NRXN3: variants seen among roughly 807,000 people sequenced by gnomAD.
NRXN3 encodes the protein neurexin 3.
Under a neutral mutation model 137.6 loss-of-function variants are expected in NRXN3, and 32 were observed. That is an observed-to-expected ratio of 0.23 (90% CI 0.18 to 0.31). The LOEUF (loss-of-function observed/expected upper bound fraction) is 0.31, where lower values mean the gene tolerates loss of function less well. NRXN3 is among the 10% of genes least tolerant of loss of function. The probability of loss-of-function intolerance (pLI) is 1.00; values close to 1 mark genes in which losing one functional copy is unlikely to be tolerated. For missense variants in NRXN3, 1,574 were observed against 2,062.5 expected (o/e 0.76, Z 4.59); for synonymous variants, 798 against 784.5 (o/e 1.02, Z -0.29).
intron 10 of NRXN3, among the ~76,000 whole-genome samples, chr14:78,872,290 T>C (rs2099103409): frequency 6.8e-6 from 1 of 147,966 alleles, no homozygotes; most frequent in Non-Finnish European, 1.5e-5. Context: ...TAAATATATA[T>C]ACATATTTTA....
At chr14:78,988,257 T>TC (rs2099511214) in intron 15 of NRXN3, 116 bp downstream of exon 15, 3 of 1,304,138 alleles carry the variant, frequency 2.3e-6, no homozygotes, top group Non-Finnish European at 3.3e-6. Flanking sequence ...AGTAATTCTC[T>TC]CCTCCAGAAA....
intron 3 of NRXN3, among the ~76,000 whole-genome samples, chr14:78,295,388 AC>A (rs1325744486): frequency 6.6e-6 from 1 of 152,196 alleles, no homozygotes; most frequent in Non-Finnish European, 1.5e-5. Flanking sequence ...GAGTGGCAAT[AC>A]TGCAACTACA....
chr14:78,725,589 G>A (rs1161921952), intron 8 of NRXN3, among the ~76,000 whole-genome samples: 2 of 152,212 alleles, frequency 1.3e-5, no homozygotes, highest in East Asian at 1.9e-4. Flanking sequence ...AATCCACAAA[G>A]TCAAGGCTAT....
intron 1 of NRXN3, among the ~76,000 whole-genome samples, chr14:78,224,580 C>T (rs2064262467): frequency 1.3e-5 from 2 of 152,104 alleles, no homozygotes; most frequent in Non-Finnish European, 2.9e-5. Context: ...CCAGTTTCAT[C>T]CATGTCCCTT....
At position 79,460,303 on chromosome 14, in the gene NRXN3, A is replaced by G. The variant is rs140061203; in HGVS notation, c.3263-6918A>G. Among the ~76,000 whole-genome samples the G allele has an allele frequency of 6.4e-3, 978 of 152,300 alleles. 8 individuals are homozygous for G. Among genetic ancestry groups the G allele is most frequent in the African/African-American group, 0.022 (904 of 41,568 alleles). Reference sequence around the variant, plus strand: ...AGTTCCAGCCAAGCATATTTGTAAGAACAGGGTTTGAACATAACCTATTAT... The same window carrying G: ...AGTTCCAGCCAAGCATATTTGTAAGGACAGGGTTTGAACATAACCTATTAT... On this transcript the variant is annotated intron_variant, in intron 15 of 20. Transcript: ENST00000335750.
chr14:79,225,447 G>A (rs1448234587), intron 15 of NRXN3, among the ~76,000 whole-genome samples: 1 of 152,080 alleles, frequency 6.6e-6, no homozygotes, highest in Non-Finnish European at 1.5e-5. Context: ...AATCCTAAAA[G>A]TTAGGGATTC....
intron 4 of NRXN3, among the ~76,000 whole-genome samples, chr14:78,489,765 G>A (rs2095629906): frequency 1.3e-5 from 2 of 152,100 alleles, no homozygotes; most frequent in Non-Finnish European, 2.9e-5. Context: ...TCAGCTGAGA[G>A]GGAAGAATTT....
intron 4 of NRXN3, among the ~76,000 whole-genome samples, chr14:78,445,209 G>A (rs1422656399): frequency 6.6e-6 from 1 of 152,182 alleles, no homozygotes; most frequent in Non-Finnish European, 1.5e-5. Context: ...AGCCACAGAT[G>A]AGCTAGGGAG....
intron 10 of NRXN3, among the ~76,000 whole-genome samples, chr14:78,927,672 A>T (rs543117311): frequency 6.6e-6 from 1 of 152,164 alleles, no homozygotes; most frequent in Admixed American, 6.6e-5. Context: ...TGCCTCATCT[A>T]TAAGATTGAG....
chr14:79,754,087 C>T (rs1018332502), intron 19 of NRXN3, among the ~76,000 whole-genome samples: 9 of 151,784 alleles, frequency 5.9e-5, no homozygotes, highest in East Asian at 3.9e-4. Context: ...TTTGGGAGGC[C>T]GAGGCAGGTG....
intron 1 of NRXN3, among the ~76,000 whole-genome samples, chr14:78,234,907 AGAT>A (rs2065970309): frequency 6.6e-6 from 1 of 151,366 alleles, no homozygotes; most frequent in South Asian, 2.1e-4. Flanking sequence ...AGATTGACAC[AGAT>A]GATGATCTCT....
At position 79,732,621 on chromosome 14, in the gene NRXN3, G is replaced by T. The variant is rs571081833; in HGVS notation, c.4014+34684G>T. Among the ~76,000 whole-genome samples, 4 of 152,174 alleles carry T rather than the reference G, an allele frequency of 2.6e-5. No individual in the cohort carries two copies. The South Asian group carries it at 8.3e-4, about 32-fold the overall frequency. ...GCCTAGATTAAAAACTGGGTCTTTT[G>T]TGAGGTTTCATTCATTATGGCCCCA... On this transcript the variant is annotated intron_variant, in intron 19 of 20. Coordinates refer to ENST00000335750, the MANE Select transcript of NRXN3 (RefSeq NM_001330195.2).
intron 15 of NRXN3, among the ~76,000 whole-genome samples, chr14:79,050,835 A>G (rs915139266): frequency 1.3e-5 from 2 of 152,218 alleles, no homozygotes; most frequent in Non-Finnish European, 2.9e-5. Flanking sequence ...CTAAGTTTGC[A>G]TAACAGAAGT....
At chr14:78,266,857 GA>G (rs778341584) in intron 2 of NRXN3, among the ~76,000 whole-genome samples, 5 of 152,138 alleles carry the variant, frequency 3.3e-5, no homozygotes, top group Admixed American at 1.3e-4. Flanking sequence ...AAGGAAAGCT[GA>G]AAAGCTGCCA....
chr14:79,280,196 C>A, intron 15 of NRXN3: 1 of 1,546,574 alleles, frequency 6.5e-7, no homozygotes, highest in South Asian at 1.3e-5. Context: ...GCAACTCTTC[C>A]TCCTGCTATG....
chr14:79,552,097 A>G (rs1188659410), intron 16 of NRXN3, among the ~76,000 whole-genome samples: 1 of 152,224 alleles, frequency 6.6e-6, no homozygotes. Flanking sequence ...AGAGTGCTTC[A>G]GTGCATGTAT....
chr14:78,805,072 C>T (rs2098853812), intron 9 of NRXN3, among the ~76,000 whole-genome samples: 1 of 152,114 alleles, frequency 6.6e-6, no homozygotes, highest in Non-Finnish European at 1.5e-5. Context: ...GCTGTCAGGT[C>T]AACTGGACAC....
At chr14:79,647,811 T>C (rs1282046785) in intron 16 of NRXN3, among the ~76,000 whole-genome samples, 3 of 135,654 alleles carry the variant, frequency 2.2e-5, no homozygotes, top group Non-Finnish European at 3.4e-5. Flanking sequence ...GCTAGATGCC[T>C]GCATATGTTG....
intron 20 of NRXN3, among the ~76,000 whole-genome samples, chr14:79,845,622 CG>C (rs2099365936): frequency 8.9e-6 from 1 of 112,720 alleles, no homozygotes. Context: ...GAGACGGAGA[CG>C]GGGAGAGAGA....
Sources: gnomAD v4.1 joint callset for allele counts (sites outside exome capture counted in the v4.1 genomes callset) on GRCh38, gnomAD v4.1.1 for gene constraint, MANE v1.5 for transcripts, NCBI Gene and HGNC (gene_info 2026-07-23, HGNC 2026-07-21) for gene names.